NEDD8: variants seen among roughly 807,000 people sequenced by gnomAD.
NEDD8 encodes ubiquitin-like protein NEDD8.
Under a neutral mutation model 13.8 loss-of-function variants are expected in NEDD8, and 1 was observed. The ratio of observed to expected loss-of-function variants is 0.07; its 90% CI spans 0.03 to 0.34. The LOEUF (loss-of-function observed/expected upper bound fraction) is 0.34, where lower values mean the gene tolerates loss of function less well. Ranked by LOEUF, NEDD8 falls within the 10% of genes least tolerant of loss-of-function variation. The probability of loss-of-function intolerance (pLI) is 0.99; values close to 1 mark genes in which losing one functional copy is unlikely to be tolerated. For missense variants in NEDD8, 10 were observed against 95.2 expected (o/e 0.10, Z 3.73); for synonymous variants, 31 against 33.2 (o/e 0.93, Z 0.23).
At chr14:24,218,278 C>G (rs1331669326) in intron 2 of NEDD8, 63 bp from the exon 3 acceptor site, 1 of 1,613,844 alleles carries the variant, frequency 6.2e-7, no homozygotes, top group Non-Finnish European at 8.5e-7. Context: ...ACGGAAAGAA[C>G]AAGGGCTATG....
At chr14:24,232,075 G>T in intron 1 of NEDD8, 175 bp downstream of exon 1, 1 of 977,664 alleles carries the variant, frequency 1.0e-6, no homozygotes, top group Non-Finnish European at 1.5e-6. Flanking sequence ...CCTGGGCCCC[G>T]CTCTCAAAGC....
chr14:24,218,352 A>T, intron 2 of NEDD8, 32 bp downstream of exon 2: 1 of 1,614,242 alleles, frequency 6.2e-7, no homozygotes, highest in Non-Finnish European at 8.5e-7. Flanking sequence ...ACATGGCAAG[A>T]AGTACATGAA....
Position 24,219,246 on chromosome 14 carries a change from G to A in NEDD8, c.19-815C>T, listed in dbSNP as rs535247287. ...GGAGACTGAGGCGGGAGGATCACTT[G>A]AGCCTAGGAGTTCCAGACCAGCCTG... On this transcript the variant is annotated intron_variant, in intron 1 of 3. Coordinates refer to ENST00000250495, the MANE Select transcript of NEDD8 (RefSeq NM_006156.3). Among the ~76,000 whole-genome samples, 163 of 151,752 alleles carry A rather than the reference G, an allele frequency of 1.1e-3. 2 individuals are homozygous for A. Among genetic ancestry groups the A allele is most frequent in the African/African-American group, 3.6e-3 (150 of 41,394 alleles).
chr14:24,219,635 T>A (rs937172581), intron 1 of NEDD8, among the ~76,000 whole-genome samples: 1 of 152,174 alleles, frequency 6.6e-6, no homozygotes, highest in African/African-American at 2.4e-5. Flanking sequence ...GATATCCAAA[T>A]ACAATAATTA....
intron 1 of NEDD8, chr14:24,228,784 CTCTT>C (rs902492494): frequency 1.9e-4 from 28 of 148,818 alleles, no homozygotes; most frequent in African/African-American, 6.2e-4. Flanking sequence ...TAATTAACAG[CTCTT>C]TTTTTTCTTT....
intron 3 of NEDD8, 167 bp downstream of exon 3, chr14:24,217,966 C>T: frequency 1.1e-5 from 7 of 638,818 alleles, no homozygotes; most frequent in Admixed American, 3.3e-5. Flanking sequence ...TGTTTTATGC[C>T]TGAAAAAATC....
chr14:24,222,340 T>C (rs754573186), intron 1 of NEDD8, among the ~76,000 whole-genome samples: 48 of 152,216 alleles, frequency 3.2e-4, no homozygotes, highest in Admixed American at 1.4e-3. Context: ...TTATAGTATA[T>C]AGAGTATAAT....
intron 3 of NEDD8, 144 bp from the exon 4 acceptor site, chr14:24,217,367 G>T: frequency 1.5e-6 from 1 of 645,300 alleles, no homozygotes; most frequent in Non-Finnish European, 2.7e-6. Context: ...TCAGCTCACT[G>T]CAACTTCCAC....
intron 3 of NEDD8, chr14:24,217,892 A>C (rs2039736522): frequency 2.3e-6 from 1 of 435,036 alleles, no homozygotes; most frequent in Admixed American, 3.9e-5. Context: ...CTATATCACA[A>C]ATTTGTTTTA....
At chr14:24,231,379 G>A (rs1017654793) in intron 1 of NEDD8, among the ~76,000 whole-genome samples, 3 of 150,750 alleles carry the variant, frequency 2.0e-5, no homozygotes, top group African/African-American at 7.3e-5. Context: ...TGACTATTAT[G>A]TACGGTAAAT....
chr14:24,223,048 T>C (rs1408014050), intron 1 of NEDD8, among the ~76,000 whole-genome samples: 2 of 134,506 alleles, frequency 1.5e-5, no homozygotes, highest in East Asian at 2.1e-4. Flanking sequence ...ATCATGCCAC[T>C]GCACTCCAGC....
At position 24,226,445 on chromosome 14, in the gene NEDD8, CAAAAAA is replaced by C. The variant is rs34325177; in HGVS notation, c.18+5799_18+5804del. ...TGGGTGACAGAGGGAGACTCCATCT[CAAAAAA>C]AAAAAAAAAAAATTAAAAATTAAAA... On this transcript the variant is annotated intron_variant, in intron 1 of 3. Coordinates refer to ENST00000250495, the MANE Select transcript of NEDD8 (RefSeq NM_006156.3). 1.8e-3 allele frequency among the ~76,000 whole-genome samples: 193 copies of C among 109,290 alleles called. 1 individual carries two copies. Among genetic ancestry groups the C allele is most frequent in the Non-Finnish European group, 2.0e-3 (101 of 50,972 alleles). 71.7% of individuals were successfully genotyped at this position (109,290 alleles called of 152,430 possible).
intron 1 of NEDD8, among the ~76,000 whole-genome samples, chr14:24,221,646 A>C (rs1325612990): frequency 6.6e-6 from 1 of 152,012 alleles, no homozygotes; most frequent in Non-Finnish European, 1.5e-5. Flanking sequence ...CCCAGGCTGG[A>C]GTGCAACGGC....
intron 1 of NEDD8, among the ~76,000 whole-genome samples, chr14:24,223,989 A>G (rs1244208102): frequency 1.3e-5 from 2 of 151,728 alleles, no homozygotes; most frequent in Non-Finnish European, 2.9e-5. Flanking sequence ...GTGCAGTAGC[A>G]CGATCTCGGC....
chr14:24,227,447 G>C (rs185238319), intron 1 of NEDD8: 231 of 152,292 alleles, frequency 1.5e-3, no homozygotes, highest in African/African-American at 5.2e-3. Context: ...GGAAAACCTG[G>C]TTGGATGTAT....
intron 1 of NEDD8, among the ~76,000 whole-genome samples, chr14:24,230,156 G>A (rs528558845): frequency 1.5e-5 from 2 of 135,370 alleles, no homozygotes; most frequent in East Asian, 5.0e-4. Context: ...CACCCCCTGT[G>A]TAATATACAT....
chr14:24,229,266 C>T (rs951030765), intron 1 of NEDD8, among the ~76,000 whole-genome samples: 1 of 152,212 alleles, frequency 6.6e-6, no homozygotes. Flanking sequence ...GTTGCCCAGG[C>T]TGGAGTGCAA....
intron 1 of NEDD8, among the ~76,000 whole-genome samples, chr14:24,229,221 TTTTA>T (rs994201108): frequency 2.0e-4 from 31 of 152,256 alleles, no homozygotes; most frequent in South Asian, 1.5e-3. Context: ...CAAACAGTTA[TTTTA>T]TTTATTTATT....
At chr14:24,219,135 G>A (rs2039756426) in intron 1 of NEDD8, among the ~76,000 whole-genome samples, 2 of 152,052 alleles carry the variant, frequency 1.3e-5, no homozygotes, top group African/African-American at 2.4e-5. Context: ...AATTCTCAAG[G>A]ACACCAGAAA....
Sources: gnomAD v4.1 joint callset for allele counts (sites outside exome capture counted in the v4.1 genomes callset) on GRCh38, gnomAD v4.1.1 for gene constraint, MANE v1.5 for transcripts, NCBI Gene and HGNC (gene_info 2026-07-23, HGNC 2026-07-21) for gene names.